Variants in CLASP1 observed in about 807,000 individuals in gnomAD.
CLASP1 encodes the protein CLIP-associating protein 1.
CLASP1 carries 38 observed loss-of-function variants against 192.3 expected under a neutral mutation model. The ratio of observed to expected loss-of-function variants is 0.20; its 90% CI spans 0.15 to 0.26. The LOEUF (loss-of-function observed/expected upper bound fraction) is 0.26, where lower values mean the gene tolerates loss of function less well. CLASP1 is among the 10% of genes least tolerant of loss of function. The probability of loss-of-function intolerance (pLI) is 1.00; values close to 1 mark genes in which losing one functional copy is unlikely to be tolerated. For synonymous variants in CLASP1, 691 were observed against 712.8 expected, an observed-to-expected ratio of 0.97 and a Z score of 0.49; for missense variants, 1,433 against 1,932.5, an observed-to-expected ratio of 0.74 and a Z score of 4.85.
intron 1 of CLASP1, among the ~76,000 whole-genome samples, chr2:121,631,803 T>TTC (rs1163355941): frequency 6.6e-6 from 1 of 151,670 alleles, no homozygotes; most frequent in East Asian, 2.0e-4. Context: ...TCCCAGCACT[T>TTC]TGAGAGGCTG....
intron 1 of CLASP1, among the ~76,000 whole-genome samples, chr2:121,636,262 T>C (rs1253234558): frequency 6.7e-6 from 1 of 149,054 alleles, no homozygotes; most frequent in African/African-American, 2.5e-5. Flanking sequence ...CTTGAACCCA[T>C]GGGGTGGAGA....
At chr2:121,631,306 T>G (rs2069602986) in intron 1 of CLASP1, among the ~76,000 whole-genome samples, 1 of 142,436 alleles carries the variant, frequency 7.0e-6, no homozygotes, top group Non-Finnish European at 1.5e-5. Flanking sequence ...TTTTTTTTTT[T>G]GAAATGGAGT....
intron 30 of CLASP1, among the ~76,000 whole-genome samples, chr2:121,395,088 C>T (rs2075062642): frequency 6.6e-6 from 1 of 152,064 alleles, no homozygotes; most frequent in Non-Finnish European, 1.5e-5. Context: ...CTGAGTTCTA[C>T]ACCTGCAAGA....
chr2:121,457,452 C>T (rs1266731485), intron 14 of CLASP1, among the ~76,000 whole-genome samples: 1 of 140,028 alleles, frequency 7.1e-6, no homozygotes, highest in South Asian at 2.2e-4. Context: ...TTCTCTCACA[C>T]AGACATACAC....
intron 2 of CLASP1, among the ~76,000 whole-genome samples, chr2:121,585,917 GTCTT>G (rs1463903840): frequency 2.1e-5 from 3 of 141,944 alleles, no homozygotes; most frequent in African/African-American, 7.8e-5. Flanking sequence ...AAAAAAAAAA[GTCTT>G]TCAACCAAGA....
chr2:121,390,430 T>C (rs542195785), intron 30 of CLASP1, among the ~76,000 whole-genome samples: 51 of 152,348 alleles, frequency 3.3e-4, no homozygotes, highest in Admixed American at 9.8e-4. Flanking sequence ...TAGGGCAATT[T>C]ATTTTAAGGA....
chr2:121,496,360 AG>A (rs1217087760), intron 8 of CLASP1, among the ~76,000 whole-genome samples: 1 of 152,234 alleles, frequency 6.6e-6, no homozygotes, highest in Non-Finnish European at 1.5e-5. Flanking sequence ...CCTCTGCCCA[AG>A]AGGTCATTGA....
chr2:121,384,121 CACACATATATATGTATATATATAT>C, intron 32 of CLASP1, among the ~76,000 whole-genome samples: 1 of 132,624 alleles, frequency 7.5e-6, no homozygotes, highest in African/African-American at 2.8e-5. Context: ...TATATATATA[CACACATATATATGTATATATATAT>C]ACACACACAC....
At chr2:121,392,730 T>C (rs1326957455) in intron 30 of CLASP1, among the ~76,000 whole-genome samples, 3 of 152,228 alleles carry the variant, frequency 2.0e-5, no homozygotes, top group African/African-American at 7.2e-5. Context: ...TATACTATTA[T>C]CTTACATCAA....
At chr2:121,507,796 A>T (rs928903419) in intron 7 of CLASP1, among the ~76,000 whole-genome samples, 13 of 152,218 alleles carry the variant, frequency 8.5e-5, no homozygotes, top group African/African-American at 3.1e-4. Context: ...CATTGTGCAC[A>T]AGGGATCCTC....
chr2:121,430,027 G>A, intron 20 of CLASP1, 46 bp downstream of exon 20: 1 of 1,382,748 alleles, frequency 7.2e-7, no homozygotes, highest in African/African-American at 1.4e-5. Context: ...AGAATGAGCT[G>A]TTGAATAAAA....
At chr2:121,531,179 CACCCCTTT>C (rs2094848616) in intron 2 of CLASP1, among the ~76,000 whole-genome samples, 1 of 152,100 alleles carries the variant, frequency 6.6e-6, no homozygotes. Flanking sequence ...AACAGAACTT[CACCCCTTT>C]AACTTTACGC....
chr2:121,486,060 C>A (rs1023184231), intron 8 of CLASP1, among the ~76,000 whole-genome samples: 7 of 152,152 alleles, frequency 4.6e-5, no homozygotes, highest in Admixed American at 1.3e-4. Context: ...ATAATGTGTG[C>A]AAGCTCCCTG....
intron 2 of CLASP1, among the ~76,000 whole-genome samples, chr2:121,591,410 T>C (rs2062386122): frequency 6.6e-6 from 1 of 152,126 alleles, no homozygotes; most frequent in South Asian, 2.1e-4. Context: ...CTCCCTCACT[T>C]CCTCTTAGTC....
intron 8 of CLASP1, among the ~76,000 whole-genome samples, chr2:121,475,339 C>T (rs1427921269): frequency 6.6e-6 from 1 of 152,106 alleles, no homozygotes; most frequent in Admixed American, 6.5e-5. Context: ...CCTATGTTTC[C>T]TAGCTTTTCA....
At chr2:121,440,932 A>C (rs775726979) in intron 19 of CLASP1, among the ~76,000 whole-genome samples, 2 of 152,210 alleles carry the variant, frequency 1.3e-5, no homozygotes, top group African/African-American at 2.4e-5. Context: ...GACCCAGAGG[A>C]AAACAAAGAC....
intron 2 of CLASP1, among the ~76,000 whole-genome samples, chr2:121,553,437 C>T (rs1044922877): frequency 2.6e-5 from 4 of 152,168 alleles, no homozygotes; most frequent in Admixed American, 6.5e-5. Flanking sequence ...GGCATGGTGG[C>T]ACACGCCTGT....
intron 1 of CLASP1, among the ~76,000 whole-genome samples, chr2:121,645,806 G>A: frequency 6.6e-6 from 1 of 152,186 alleles, no homozygotes; most frequent in Non-Finnish European, 1.5e-5. Flanking sequence ...TATGAGGGGA[G>A]GTGGGATGAG....
intron 7 of CLASP1, among the ~76,000 whole-genome samples, chr2:121,508,004 TTGAAA>T (rs1040932955): frequency 6.6e-6 from 1 of 152,064 alleles, no homozygotes; most frequent in African/African-American, 2.4e-5. Context: ...GTCCTTTGGG[TTGAAA>T]TGAAAGGACA....
Sources: gnomAD v4.1 joint callset for allele counts (sites outside exome capture counted in the v4.1 genomes callset) on GRCh38, gnomAD v4.1.1 for gene constraint, MANE v1.5 for transcripts, NCBI Gene and HGNC (gene_info 2026-07-23, HGNC 2026-07-21) for gene names.